KLF12: variants seen among roughly 807,000 people sequenced by gnomAD.
KLF12 encodes Krueppel-like factor 12.
KLF12 carries 9 observed loss-of-function variants against 37.8 expected under a neutral mutation model. That is an observed-to-expected ratio of 0.24 (90% CI 0.14 to 0.42). The LOEUF (loss-of-function observed/expected upper bound fraction) is 0.42, where lower values mean the gene tolerates loss of function less well. Ranked by LOEUF, KLF12 falls within the 10% of genes least tolerant of loss-of-function variation. The probability of loss-of-function intolerance (pLI) is 1.00; values close to 1 mark genes in which losing one functional copy is unlikely to be tolerated. For missense variants in KLF12, 411 were observed against 516.0 expected (o/e 0.80, Z 1.97); for synonymous variants, 208 against 202.1 (o/e 1.03, Z -0.25).
intron 1 of KLF12, among the ~76,000 whole-genome samples, chr13:74,072,669 G>A (rs1874340288): frequency 1.3e-5 from 2 of 151,842 alleles, no homozygotes; most frequent in East Asian, 3.9e-4. Flanking sequence ...AAGCTGTGAT[G>A]GCTCCACTGC....
At chr13:73,752,494 T>C (rs887210726) in intron 6 of KLF12, among the ~76,000 whole-genome samples, 11 of 102,336 alleles carry the variant, frequency 1.1e-4, no homozygotes, top group Non-Finnish European at 1.8e-4. Context: ...ACTTGCCTTC[T>C]GCTCTAAATT....
intron 5 of KLF12, chr13:73,802,081 C>T (rs1012280220): frequency 2.0e-5 from 3 of 151,940 alleles, no homozygotes; most frequent in Non-Finnish European, 2.9e-5. Context: ...AGAAGACATT[C>T]GATTTAGTTG....
At chr13:73,737,428 G>A (rs746857468) in intron 6 of KLF12, among the ~76,000 whole-genome samples, 4 of 152,120 alleles carry the variant, frequency 2.6e-5, no homozygotes, top group Non-Finnish European at 5.9e-5. Context: ...GTGTAACCCT[G>A]GATAAGTCAT....
intron 6 of KLF12, among the ~76,000 whole-genome samples, chr13:73,746,675 G>A (rs1237660681): frequency 6.6e-6 from 1 of 152,012 alleles, no homozygotes; most frequent in African/African-American, 2.4e-5. Flanking sequence ...AGTGAAGTTT[G>A]ATAAGAGTCT....
At chr13:74,233,466 C>A in the KLF12 span, among the ~76,000 whole-genome samples, 2 of 152,136 alleles carry the variant, frequency 1.3e-5, no homozygotes, top group African/African-American at 4.8e-5. Flanking sequence ...GGAAAAAAGT[C>A]ATTTTGTTAC....
intron 2 of KLF12, among the ~76,000 whole-genome samples, chr13:73,984,501 G>T (rs960461343): frequency 2.6e-5 from 4 of 152,160 alleles, no homozygotes; most frequent in Admixed American, 2.6e-4. Flanking sequence ...ATCAGTGAGG[G>T]TCTATGTGGA....
At chr13:74,193,227 T>C in the KLF12 span, among the ~76,000 whole-genome samples, 1 of 151,994 alleles carries the variant, frequency 6.6e-6, no homozygotes, top group African/African-American at 2.4e-5. Flanking sequence ...TGATCCACCT[T>C]CCTGGGCCTC....
At chr13:74,154,858 T>C in the KLF12 span, among the ~76,000 whole-genome samples, 2 of 152,240 alleles carry the variant, frequency 1.3e-5, no homozygotes, top group East Asian at 3.8e-4. Context: ...GTTCTCCGTA[T>C]AGCTTGAACA....
the KLF12 span, among the ~76,000 whole-genome samples, chr13:74,204,277 G>A: frequency 1.3e-5 from 2 of 152,106 alleles, no homozygotes; most frequent in Non-Finnish European, 2.9e-5. Context: ...GTTTTGAAAT[G>A]TTTGCAATTT....
chr13:73,922,123 G>T (rs2139223980), intron 3 of KLF12, among the ~76,000 whole-genome samples: 1 of 151,796 alleles, frequency 6.6e-6, no homozygotes, highest in Admixed American at 6.6e-5. Flanking sequence ...TTATTGTCTA[G>T]TTTCAATGAA....
rs189412673 is a variant in KLF12 at position 74,004,203 on chromosome 13, T to C, written c.-31-9150A>G. Among the ~76,000 whole-genome samples, 8 of 152,286 alleles carry C rather than the reference T, an allele frequency of 5.3e-5. No homozygotes were observed. In the East Asian group the frequency reaches 1.5e-3, roughly 29 times the overall value. ...AAAGGAAAGCCACTAGCCAACAAAC[T>C]GAATTAAAATTGTTCAGGGTGGAAT... On this transcript the variant is annotated intron_variant, in intron 1 of 7. Coordinates refer to ENST00000377669, the MANE Select transcript of KLF12 (RefSeq NM_007249.5).
At chr13:74,128,863 A>T (rs1004443597) in intron 1 of KLF12, among the ~76,000 whole-genome samples, 1 of 151,608 alleles carries the variant, frequency 6.6e-6, no homozygotes, top group Non-Finnish European at 1.5e-5. Flanking sequence ...TTTTTACTGT[A>T]TTTCTCGGTC....
intron 1 of KLF12, among the ~76,000 whole-genome samples, chr13:74,109,698 A>G (rs1300890528): frequency 6.6e-6 from 1 of 152,212 alleles, no homozygotes; most frequent in African/African-American, 2.4e-5. Context: ...GTTCTTTAAC[A>G]TGATAAAATG....
chr13:74,301,639 A>G, the KLF12 span, among the ~76,000 whole-genome samples: 1 of 152,210 alleles, frequency 6.6e-6, no homozygotes, highest in Admixed American at 6.5e-5. Context: ...GAAAACGAGA[A>G]AATGTTCCAT....
intron 5 of KLF12, among the ~76,000 whole-genome samples, chr13:73,787,689 G>A (rs539377634): frequency 6.6e-6 from 1 of 152,136 alleles, no homozygotes; most frequent in Non-Finnish European, 1.5e-5. Context: ...TCAAGCATTT[G>A]GCTCCACAGT....
chr13:73,706,351 G>A (rs950194812), intron 7 of KLF12, among the ~76,000 whole-genome samples: 10 of 151,996 alleles, frequency 6.6e-5, no homozygotes, highest in African/African-American at 2.4e-4. Flanking sequence ...TAATTGATAG[G>A]TTTAGAAGTC....
At chr13:74,030,129 G>C (rs921643897) in intron 1 of KLF12, among the ~76,000 whole-genome samples, 1 of 152,126 alleles carries the variant, frequency 6.6e-6, no homozygotes, top group Non-Finnish European at 1.5e-5. Flanking sequence ...AATGTCCTTA[G>C]AGATTTGAAC....
chr13:74,021,768 T>G (rs2138427305), intron 1 of KLF12, among the ~76,000 whole-genome samples: 1 of 152,268 alleles, frequency 6.6e-6, no homozygotes, highest in Non-Finnish European at 1.5e-5. Context: ...AAAATAGAAG[T>G]GCTATAATCT....
chr13:73,791,000 A>T (rs1167722263), intron 5 of KLF12, among the ~76,000 whole-genome samples: 1 of 152,202 alleles, frequency 6.6e-6, no homozygotes, highest in African/African-American at 2.4e-5. Context: ...CATTTTTGAG[A>T]AAAAGGGGGA....
Sources: allele counts gnomAD v4.1 joint callset (sites outside exome capture counted in the v4.1 genomes callset), GRCh38; gene constraint gnomAD v4.1.1; transcripts MANE v1.5; gene names NCBI Gene and HGNC (gene_info 2026-07-23, HGNC 2026-07-21).